Variants in GALNT14 observed in about 807,000 individuals in gnomAD.
GALNT14 encodes the protein UDP-GalNAc:polypeptide N-acetylgalactosaminyltransferase 14.
A neutral mutation model predicts 77.5 loss-of-function variants in GALNT14; 60 were observed. That is an observed-to-expected ratio of 0.77 (90% CI 0.63 to 0.96). The LOEUF (loss-of-function observed/expected upper bound fraction) is 0.96. Among genes scored for constraint, GALNT14 ranks in the 40% least tolerant of loss-of-function variants. The probability of loss-of-function intolerance (pLI) is 0.00; values close to 1 mark genes in which losing one functional copy is unlikely to be tolerated. For missense variants in GALNT14, 710 were observed against 731.0 expected (o/e 0.97, Z 0.33); for synonymous variants, 280 against 281.7 (o/e 0.99, Z 0.06).
At chr2:31,009,139 G>A (rs1051990229) in intron 1 of GALNT14, among the ~76,000 whole-genome samples, 4 of 152,142 alleles carry the variant, frequency 2.6e-5, no homozygotes, top group Non-Finnish European at 5.9e-5. Flanking sequence ...TGTAAACTGA[G>A]GGAAAAGGCC....
chr2:30,939,551 G>A (rs543478828), intron 9 of GALNT14, among the ~76,000 whole-genome samples: 5 of 152,120 alleles, frequency 3.3e-5, no homozygotes, highest in African/African-American at 4.8e-5. Flanking sequence ...ACAAAAGGGA[G>A]CCACTGAGAA....
chr2:30,960,871 C>CA (rs1407787758), intron 3 of GALNT14, among the ~76,000 whole-genome samples: 1 of 152,254 alleles, frequency 6.6e-6, no homozygotes, highest in Non-Finnish European at 1.5e-5. Flanking sequence ...ACCCCCACTC[C>CA]AGCTGCCTTC....
At chr2:31,025,817 A>G (rs1391710600) in intron 1 of GALNT14, among the ~76,000 whole-genome samples, 1 of 152,168 alleles carries the variant, frequency 6.6e-6, no homozygotes, top group Non-Finnish European at 1.5e-5. Flanking sequence ...AAATCAAGCC[A>G]ACTCCAACCA....
chr2:31,022,670 G>C (rs1395006420), intron 1 of GALNT14, among the ~76,000 whole-genome samples: 1 of 152,180 alleles, frequency 6.6e-6, no homozygotes, highest in Non-Finnish European at 1.5e-5. Flanking sequence ...TAAGGAACTG[G>C]GGAGGGCAAA....
rs1224039924 is a variant in GALNT14 at position 31,027,722 on chromosome 2, C to T, written c.130-34715G>A. Among the ~76,000 whole-genome samples the T allele has an allele frequency of 3.3e-5, 5 of 152,276 alleles. No individual in the cohort carries two copies. The East Asian group carries it at 9.7e-4, about 29-fold the overall frequency. ...TGTTTATCATCACAATTTATGTCCC[C>T]ACCCTGTATGGTGAAATGGGAATGT... On this transcript the variant is annotated intron_variant, in intron 1 of 14. Coordinates refer to ENST00000349752, the MANE Select transcript of GALNT14 (RefSeq NM_024572.4).
intron 4 of GALNT14, among the ~76,000 whole-genome samples, chr2:30,956,708 T>C (rs1033253301): frequency 5.3e-5 from 8 of 152,282 alleles, no homozygotes; most frequent in African/African-American, 1.4e-4. Context: ...GGTTTCACCA[T>C]GTTAACCAGG....
Position 30,932,119 on chromosome 2 carries a change from C to A in GALNT14, c.1007G>T (p.Arg336Leu). 1 of 1,575,830 alleles carries A rather than the reference C, an allele frequency of 6.3e-7. No homozygotes were observed. Among genetic ancestry groups the A allele is most frequent in the Non-Finnish European group, 8.6e-7 (1 of 1,160,456 alleles). The change falls in exon 10 of 15, where the codon CGG (arginine) becomes CTG (leucine). Residue 336 changes from arginine to leucine, a missense_variant. Arg to Leu is a moderately radical substitution (Grantham distance 102). Transcript: ENST00000349752. ...AGGGAAAACGTAGGGGTGCTTCTTC[C>A]GGAAGACGTGCCCCACTCGGCTGCA... Reference protein sequence around the residue: ...VPCSRVGHVFRKKHPYVFPDG... With the variant: ...VPCSRVGHVFLKKHPYVFPDG...
At chr2:30,936,489 A>G (rs1666065566) in intron 9 of GALNT14, among the ~76,000 whole-genome samples, 1 of 152,190 alleles carries the variant, frequency 6.6e-6, no homozygotes, top group South Asian at 2.1e-4. Context: ...ATGTGTGTGT[A>G]TTGTGTATAC....
chr2:30,959,220 T>C (rs895615652), intron 3 of GALNT14, among the ~76,000 whole-genome samples: 1 of 152,184 alleles, frequency 6.6e-6, no homozygotes, highest in South Asian at 2.1e-4. Flanking sequence ...CTTCCTCCTC[T>C]GGGATCTCCT....
intron 1 of GALNT14, 148 bp downstream of exon 1, chr2:31,137,810 C>T (rs922062130): frequency 2.0e-6 from 2 of 1,022,580 alleles, no homozygotes; most frequent in East Asian, 2.6e-5. Context: ...CCAGAAACAT[C>T]ACATGGTAGC....
chr2:30,992,633 G>C (rs539877368), intron 2 of GALNT14, among the ~76,000 whole-genome samples: 1 of 152,136 alleles, frequency 6.6e-6, no homozygotes, highest in Non-Finnish European at 1.5e-5. Context: ...TGGGACCTGC[G>C]GGGTTTGGGA....
chr2:30,974,393 G>A (rs59679553), intron 2 of GALNT14, among the ~76,000 whole-genome samples: 4,024 of 152,258 alleles, frequency 0.026, 156 homozygotes, highest in East Asian at 0.21. Flanking sequence ...CCAGAACTGC[G>A]TCTTTAACCT....
the GALNT14 span, among the ~76,000 whole-genome samples, chr2:30,889,019 A>AT: frequency 6.6e-6 from 1 of 151,604 alleles, no homozygotes; most frequent in African/African-American, 2.4e-5. Context: ...AATCACGAAG[A>AT]TCCCCCAGAG....
chr2:31,018,923 A>G (rs1336402489), intron 1 of GALNT14, among the ~76,000 whole-genome samples: 1 of 152,166 alleles, frequency 6.6e-6, no homozygotes, highest in Non-Finnish European at 1.5e-5. Context: ...GTGAGTGGTC[A>G]TTAGACAAGA....
At chr2:30,987,627 A>C (rs1669380919) in intron 2 of GALNT14, among the ~76,000 whole-genome samples, 1 of 152,096 alleles carries the variant, frequency 6.6e-6, no homozygotes, top group African/African-American at 2.4e-5. Context: ...CTTGCTTGTA[A>C]GGGGTCCACA....
chr2:30,991,747 C>T (rs1237988788), intron 2 of GALNT14, among the ~76,000 whole-genome samples: 1 of 152,212 alleles, frequency 6.6e-6, no homozygotes, highest in Non-Finnish European at 1.5e-5. Context: ...CACTCCAAAG[C>T]ATACATGCTG....
At chr2:31,034,483 G>T (rs1672593848) in intron 1 of GALNT14, among the ~76,000 whole-genome samples, 1 of 152,126 alleles carries the variant, frequency 6.6e-6, no homozygotes, top group Non-Finnish European at 1.5e-5. Flanking sequence ...GTCCTTTGCA[G>T]CTTTACCTGA....
intron 1 of GALNT14, among the ~76,000 whole-genome samples, chr2:31,137,508 A>C (rs1039029476): frequency 3.9e-5 from 6 of 152,016 alleles, no homozygotes; most frequent in African/African-American, 1.4e-4. Context: ...CGCGCGGCGC[A>C]CCCGGCCTCC....
intron 1 of GALNT14, among the ~76,000 whole-genome samples, chr2:31,023,477 C>T (rs982423851): frequency 2.6e-5 from 4 of 152,130 alleles, no homozygotes; most frequent in African/African-American, 9.7e-5. Context: ...CCCTCCCTCC[C>T]CTCAGCCCCA....
Sources: allele counts gnomAD v4.1 joint callset (sites outside exome capture counted in the v4.1 genomes callset), GRCh38; gene constraint gnomAD v4.1.1; transcripts MANE v1.5; gene names NCBI Gene and HGNC (gene_info 2026-07-23, HGNC 2026-07-21).